The following SOX5 variants were observed in gnomAD, a reference collection of about 807,000 sequenced individuals.
SOX5 encodes the protein SRY-box transcription factor 5, also known as transcription factor SOX-5.
A neutral mutation model predicts 92.0 loss-of-function variants in SOX5; 9 were observed. The observed-to-expected ratio is 0.10, with a 90% CI of 0.06 to 0.17. The LOEUF (loss-of-function observed/expected upper bound fraction) is 0.17. Among genes scored for constraint, SOX5 ranks in the 10% least tolerant of loss-of-function variants. SOX5 has a pLI of 1.00. For missense variants in SOX5, 642 were observed against 944.5 expected (o/e 0.68, Z 4.20); for synonymous variants, 344 against 336.3 (o/e 1.02, Z -0.25).
intron 2 of SOX5, among the ~76,000 whole-genome samples, chr12:24,306,761 G>A (rs1948617260): frequency 6.6e-6 from 1 of 152,122 alleles, no homozygotes; most frequent in Non-Finnish European, 1.5e-5. Context: ...AAGAAGGTAG[G>A]TGGGGATGAT....
intron 2 of SOX5, among the ~76,000 whole-genome samples, chr12:23,890,923 C>T (rs2097124470): frequency 1.3e-5 from 2 of 152,202 alleles, no homozygotes; most frequent in East Asian, 3.9e-4. Flanking sequence ...ATCATACTTT[C>T]ACATTGCTTT....
At chr12:23,630,352 T>C (rs2078370823) in intron 8 of SOX5, among the ~76,000 whole-genome samples, 1 of 151,990 alleles carries the variant, frequency 6.6e-6, no homozygotes, top group South Asian at 2.1e-4. Context: ...GATTGTCTTC[T>C]GGATAAGTAA....
chr12:23,901,645 T>C (rs1442040737), intron 1 of SOX5, among the ~76,000 whole-genome samples: 1 of 152,220 alleles, frequency 6.6e-6, no homozygotes, highest in Non-Finnish European at 1.5e-5. Flanking sequence ...TTCGCAGCCT[T>C]TATAATCACT....
intron 4 of SOX5, among the ~76,000 whole-genome samples, chr12:24,098,783 C>A (rs529977213): frequency 6.6e-6 from 1 of 152,220 alleles, no homozygotes; most frequent in Admixed American, 6.5e-5. Flanking sequence ...CACATACTTA[C>A]CAAGGGTAGA....
intron 2 of SOX5, among the ~76,000 whole-genome samples, chr12:24,350,360 G>A (rs973047465): frequency 2.6e-5 from 4 of 152,074 alleles, no homozygotes; most frequent in African/African-American, 9.7e-5. Flanking sequence ...ATTACTCTGT[G>A]GGCCAGGATG....
intron 2 of SOX5, among the ~76,000 whole-genome samples, chr12:24,327,998 G>C (rs746961556): frequency 2.6e-5 from 4 of 152,064 alleles, no homozygotes; most frequent in Non-Finnish European, 5.9e-5. Flanking sequence ...AGCCGCAATA[G>C]AGACTTTTGA....
intron 3 of SOX5, among the ~76,000 whole-genome samples, chr12:24,267,482 C>T (rs1225767530): frequency 6.6e-6 from 1 of 152,120 alleles, no homozygotes; most frequent in Non-Finnish European, 1.5e-5. Flanking sequence ...TAAAATTAAT[C>T]TCAGCACTTT....
In SOX5 at chr12:23,989,252, C is replaced by T. The variant is rs555451189; in HGVS notation, c.-1-93228G>A. ...AAAAAAAAAAAAAAAATTAGCTAGG[C>T]GTGGTGTTGCGTGCCTCTGGTCCCT... On this transcript the variant is annotated intron_variant, in intron 4 of 4. Coordinates refer to the SOX5 transcript ENST00000446891. Among the ~76,000 whole-genome samples, 535 of 146,744 alleles carry T rather than the reference C, an allele frequency of 3.6e-3. 7 individuals are homozygous for T. The highest frequency in any genetic ancestry group is 0.013 in the African/African-American group (505 of 39,866).
intron 5 of SOX5, among the ~76,000 whole-genome samples, chr12:23,740,263 G>T (rs2093747883): frequency 6.6e-6 from 1 of 152,082 alleles, no homozygotes; most frequent in South Asian, 2.1e-4. Context: ...TGTTTCTGGT[G>T]ATGGCATTCT....
At position 23,670,692 on chromosome 12, in the gene SOX5, AATG is replaced by A. The variant is rs1185564989; in HGVS notation, c.811-5131_811-5129del. Among the ~76,000 whole-genome samples, 13 of 152,204 alleles carry A rather than the reference AATG, an allele frequency of 8.5e-5. No homozygotes were observed. The South Asian group carries it at 2.1e-3, about 24-fold the overall frequency. On this transcript the variant is annotated intron_variant, in intron 6 of 14. Transcript: ENST00000451604. ...CAGGCCTGACAGAAGAAATTTTCTC[AATG>A]ATAAGGCAAGCTCATATCCAGAAAA...
intron 4 of SOX5, among the ~76,000 whole-genome samples, chr12:23,979,913 C>A (rs61910025): frequency 0.79 from 97,412 of 123,546 alleles, 38,923 homozygotes; most frequent in East Asian, 0.91. Flanking sequence ...GGCTGGCTGG[C>A]CAGACAGACA....
intron 1 of SOX5, among the ~76,000 whole-genome samples, chr12:24,442,658 T>G (rs1940824785): frequency 6.6e-6 from 1 of 152,112 alleles, no homozygotes; most frequent in Non-Finnish European, 1.5e-5. Flanking sequence ...AGCAGCGTGA[T>G]GAAGGAACAA....
intron 4 of SOX5, among the ~76,000 whole-genome samples, chr12:23,965,249 C>T (rs1337639418): frequency 6.6e-6 from 1 of 152,176 alleles, no homozygotes; most frequent in African/African-American, 2.4e-5. Flanking sequence ...TGGTCAAGGG[C>T]ATATGTAGTG....
At chr12:24,235,927 C>T (rs775370612) in intron 3 of SOX5, among the ~76,000 whole-genome samples, 20 of 152,142 alleles carry the variant, frequency 1.3e-4, no homozygotes, top group Admixed American at 2.0e-4. Flanking sequence ...TGGTGGCTCA[C>T]GCCTGTAATC....
Position 23,665,448 on chromosome 12 carries a change from T to G in SOX5, c.927A>C (p.Gly309=). The G allele has an allele frequency of 1.9e-6, 3 of 1,613,438 alleles. No homozygotes were observed. Among genetic ancestry groups the G allele is most frequent in the Non-Finnish European group, 2.5e-6 (3 of 1,179,542 alleles). ...LLPPGFSYKA[G]CSDPYPVQLI... ...TGAAAAATCAACAGTACTTACTACATCCAGCCTTATAGCTGAAGCCTGGAG... is the reference window on the plus strand; with the variant it reads ...TGAAAAATCAACAGTACTTACTACAGCCAGCCTTATAGCTGAAGCCTGGAG... Residue 309 remains glycine, a synonymous_variant, in exon 7 of 15, where the codon GGA becomes GGC. Coordinates refer to ENST00000451604, the MANE Select transcript of SOX5 (RefSeq NM_006940.6).
intron 4 of SOX5, among the ~76,000 whole-genome samples, chr12:24,161,078 G>A (rs140912052): frequency 6.6e-6 from 1 of 152,174 alleles, no homozygotes; most frequent in East Asian, 1.9e-4. Context: ...GTGAAGTGGT[G>A]GGCTTAACTC....
chr12:24,324,894 C>G (rs78650512), intron 2 of SOX5, among the ~76,000 whole-genome samples: 9,409 of 151,958 alleles, frequency 0.062, 339 homozygotes, highest in South Asian at 0.1. Flanking sequence ...ACCTAGAAAA[C>G]TTACTGAATC....
intron 8 of SOX5, among the ~76,000 whole-genome samples, chr12:23,617,866 C>A (rs933253785): frequency 9.9e-5 from 15 of 152,168 alleles, no homozygotes; most frequent in African/African-American, 3.1e-4. Context: ...TGTAAGAACA[C>A]CCCAACTGAT....
intron 4 of SOX5, among the ~76,000 whole-genome samples, chr12:24,053,419 C>T (rs1038580631): frequency 2.0e-5 from 3 of 152,004 alleles, no homozygotes; most frequent in Non-Finnish European, 2.9e-5. Context: ...CATGAGCTAC[C>T]GCGCCTGGCC....
Sources: gnomAD v4.1 joint callset for allele counts (sites outside exome capture counted in the v4.1 genomes callset) on GRCh38, gnomAD v4.1.1 for gene constraint, MANE v1.5 for transcripts, NCBI Gene and HGNC (gene_info 2026-07-23, HGNC 2026-07-21) for gene names.